Variants in ADGRA3 observed in about 807,000 individuals in gnomAD.
ADGRA3 encodes G-protein coupled receptor 125.
Under a neutral mutation model 119.8 loss-of-function variants are expected in ADGRA3, and 56 were observed. The observed-to-expected ratio is 0.47, with a 90% CI of 0.38 to 0.58. The LOEUF (loss-of-function observed/expected upper bound fraction) is 0.58. ADGRA3 is among the 20% of genes least tolerant of loss of function. The pLI, the probability that ADGRA3 is intolerant of heterozygous loss-of-function variation, is 0.00. For synonymous variants in ADGRA3, 607 were observed against 623.8 expected (o/e 0.97, Z 0.40); for missense variants, 1,516 against 1,649.0 (o/e 0.92, Z 1.40).
At chr4:22,421,190 C>T (rs1715664260) in intron 11 of ADGRA3, 101 bp from the exon 12 acceptor site, 4 of 811,136 alleles carry the variant, frequency 4.9e-6, no homozygotes, top group South Asian at 1.9e-5. Context: ...ATTAGCCAAA[C>T]CAGAAAGCCC....
intron 14 of ADGRA3, among the ~76,000 whole-genome samples, chr4:22,407,863 T>C (rs1487020418): frequency 3.3e-5 from 5 of 152,160 alleles, no homozygotes; most frequent in Non-Finnish European, 5.9e-5. Flanking sequence ...TAATTATCAC[T>C]GTATCAATAA....
rs958945150 is a variant in ADGRA3, at chr4:22,387,862, G to C, written c.3809C>G (p.Ala1270Gly). The C allele has an allele frequency of 1.2e-6, 2 of 1,614,030 alleles. No individual in the cohort carries two copies. The highest frequency in any genetic ancestry group is 2.7e-5 in the African/African-American group (2 of 74,936). ...TSKKDALRKP[A>G]VVELENQQKS... ...TTGCTGATTTTCAAGTTCAACCACAGCTGGCTTCCTTAACGCATCTTTTTT... is the reference window on the plus strand; with the variant it reads ...TTGCTGATTTTCAAGTTCAACCACACCTGGCTTCCTTAACGCATCTTTTTT... The change falls in exon 19 of 19, where the codon GCT becomes GGT. Residue 1270 changes from alanine (A) to glycine (G), a missense_variant. By Grantham distance (60) the Ala-to-Gly change is moderately conservative. Around this residue, in one of 2 missense-constraint regions of ADGRA3, gnomAD observed 1,088 missense variants for 1,107.1 expected, o/e 0.98. Transcript: ENST00000334304.
chr4:22,420,412 G>A (rs537485688), intron 12 of ADGRA3: 167 of 159,684 alleles, frequency 1.0e-3, no homozygotes, highest in Non-Finnish European at 1.7e-3. Context: ...TGTGTTTTCT[G>A]CCAAAAATTT....
chr4:22,481,402 G>A (rs1718257380), intron 1 of ADGRA3, among the ~76,000 whole-genome samples: 1 of 152,116 alleles, frequency 6.6e-6, no homozygotes, highest in South Asian at 2.1e-4. Context: ...AAAAAACCCA[G>A]CCAGCCACTG....
intron 1 of ADGRA3, among the ~76,000 whole-genome samples, chr4:22,485,089 C>CT (rs996648553): frequency 2.5e-4 from 37 of 150,032 alleles, no homozygotes; most frequent in African/African-American, 6.6e-4. Flanking sequence ...CACACCAGCA[C>CT]TTTTTTTTTT....
intron 14 of ADGRA3, among the ~76,000 whole-genome samples, chr4:22,408,308 A>G (rs888886773): frequency 6.7e-6 from 1 of 149,412 alleles, no homozygotes; most frequent in Non-Finnish European, 1.5e-5. Flanking sequence ...TGTACTTCAG[A>G]AAATTTAAGA....
intron 17 of ADGRA3, among the ~76,000 whole-genome samples, chr4:22,392,208 C>A (rs576935445): frequency 3.1e-4 from 47 of 152,230 alleles, no homozygotes; most frequent in Middle Eastern, 3.4e-3. Flanking sequence ...GACATAAGAC[C>A]TCAAGGAAAT....
At chr4:22,423,971 AATAACTTATAAAATGTT>A (rs1577339516) in intron 11 of ADGRA3, among the ~76,000 whole-genome samples, 2 of 152,370 alleles carry the variant, frequency 1.3e-5, no homozygotes, top group South Asian at 4.1e-4. Context: ...GAAATTCTGT[AATAACTTATAAAATGTT>A]ATAACTTATA....
At chr4:22,444,783 A>G (rs929992892) in intron 6 of ADGRA3, among the ~76,000 whole-genome samples, 190 bp downstream of exon 6, 4 of 143,446 alleles carry the variant, frequency 2.8e-5, no homozygotes, top group African/African-American at 1.1e-4. Context: ...AAGACAACTG[A>G]AAAAAAAAAG....
chr4:22,475,190 A>G (rs1356320306), intron 1 of ADGRA3, among the ~76,000 whole-genome samples: 1 of 152,174 alleles, frequency 6.6e-6, no homozygotes, highest in Non-Finnish European at 1.5e-5. Context: ...TCCTCTCAGT[A>G]ACAGAGTTCC....
intron 11 of ADGRA3, among the ~76,000 whole-genome samples, chr4:22,421,601 A>C (rs1560308254): frequency 6.6e-6 from 1 of 152,096 alleles, no homozygotes; most frequent in Admixed American, 6.6e-5. Context: ...AGCTTTACAC[A>C]CTCTCCAAAG....
intron 1 of ADGRA3, among the ~76,000 whole-genome samples, chr4:22,481,397 A>C (rs1220867559): frequency 2.6e-5 from 4 of 152,308 alleles, no homozygotes; most frequent in East Asian, 1.9e-4. Context: ...AAGCAAAAAA[A>C]CCCAGCCAGC....
At chr4:22,450,948 AAAAAT>A (rs56816763) in intron 4 of ADGRA3, among the ~76,000 whole-genome samples, 5,765 of 127,596 alleles carry the variant, frequency 0.045, 119 homozygotes, top group East Asian at 0.18. Flanking sequence ...AAAAAAAAAA[AAAAAT>A]ATATATATAT....
At chr4:22,434,439 T>G (rs1182604787) in intron 10 of ADGRA3, among the ~76,000 whole-genome samples, 1 of 151,976 alleles carries the variant, frequency 6.6e-6, no homozygotes, top group African/African-American at 2.4e-5. Context: ...TATGGGAAGG[T>G]GAATGTGATG....
intron 17 of ADGRA3, among the ~76,000 whole-genome samples, chr4:22,390,496 C>T (rs1714094167): frequency 6.7e-6 from 1 of 149,958 alleles, no homozygotes; most frequent in Admixed American, 6.7e-5. Context: ...TAAAACTTTC[C>T]TTGAACTACC....
intron 3 of ADGRA3, among the ~76,000 whole-genome samples, chr4:22,456,451 C>T (rs895309032): frequency 1.3e-5 from 2 of 152,170 alleles, no homozygotes; most frequent in African/African-American, 2.4e-5. Context: ...CTCTCTCTCT[C>T]CCCTTCCACA....
At chr4:22,502,706 G>A (rs1215352395) in intron 1 of ADGRA3, among the ~76,000 whole-genome samples, 2 of 151,910 alleles carry the variant, frequency 1.3e-5, no homozygotes, top group Non-Finnish European at 2.9e-5. Context: ...GAGGTAGGTG[G>A]GAACTGGATC....
chr4:22,497,592 C>T (rs997176871), intron 1 of ADGRA3, among the ~76,000 whole-genome samples: 2 of 151,844 alleles, frequency 1.3e-5, no homozygotes, highest in African/African-American at 2.4e-5. Context: ...GAAGCCAAGG[C>T]GGGAAGATCA....
Position 22,413,085 on chromosome 4 carries a change from AAAAAAAC to A in ADGRA3, c.2232+90_2232+96del, listed in dbSNP as rs1400982446. On this transcript the variant is annotated intron_variant, in intron 14 of 18. Transcript: ENST00000334304. ...AAATTATGTTAAAAGTAAAAAAAAA[AAAAAAAC>A]AAAAAACAAAAAAACACTTCATTTG... 3.7e-5 allele frequency: 32 copies of A among 873,704 alleles called. No individual in the cohort carries two copies. In the African/African-American group the frequency reaches 4.2e-4, roughly 11 times the overall value. 54.1% of individuals were successfully genotyped at this position (873,704 alleles called of 1,614,324 possible).
Sources: gnomAD v4.1 joint callset for allele counts (sites outside exome capture counted in the v4.1 genomes callset) on GRCh38, gnomAD v4.1.1 for gene constraint, gnomAD v4.1.1 regional missense constraint, MANE v1.5 for transcripts, NCBI Gene and HGNC (gene_info 2026-07-23, HGNC 2026-07-21) for gene names.